Variants in ST6GALNAC3 observed in about 807,000 individuals in gnomAD.
ST6GALNAC3 encodes the protein alpha-N-acetylgalactosaminide alpha-2,6-sialyltransferase 3.
A neutral mutation model predicts 32.7 loss-of-function variants in ST6GALNAC3; 25 were observed. The ratio of observed to expected loss-of-function variants is 0.76; its 90% CI spans 0.56 to 1.07. The LOEUF (loss-of-function observed/expected upper bound fraction) is 1.07. Ranked by LOEUF, ST6GALNAC3 falls within the 50% of genes least tolerant of loss-of-function variation. ST6GALNAC3 has a pLI of 0.00. For synonymous variants in ST6GALNAC3, 129 were observed against 133.1 expected (o/e 0.97, Z 0.21); for missense variants, 355 against 382.4 (o/e 0.93, Z 0.60).
chr1:76,360,339 C>T (rs1320557374), intron 2 of ST6GALNAC3, among the ~76,000 whole-genome samples: 1 of 152,076 alleles, frequency 6.6e-6, no homozygotes, highest in East Asian at 1.9e-4. Context: ...GTTCTCTTTA[C>T]ATTCAGGTTA....
chr1:76,591,108 G>A (rs184249906), intron 3 of ST6GALNAC3, among the ~76,000 whole-genome samples: 30 of 152,228 alleles, frequency 2.0e-4, no homozygotes, highest in African/African-American at 6.5e-4. Flanking sequence ...GATGATAAAG[G>A]TTAGGAAAGG....
intron 1 of ST6GALNAC3, among the ~76,000 whole-genome samples, chr1:76,236,472 A>G (rs12734748): frequency 6.6e-6 from 1 of 152,354 alleles, no homozygotes; most frequent in Admixed American, 6.5e-5. Flanking sequence ...TTAAAGGATA[A>G]CAACATAAGC....
intron 2 of ST6GALNAC3, among the ~76,000 whole-genome samples, chr1:76,370,834 A>G (rs1176392206): frequency 2.0e-5 from 3 of 151,958 alleles, no homozygotes; most frequent in Non-Finnish European, 2.9e-5. Flanking sequence ...CCATCAGTCT[A>G]CCCATTCACA....
At chr1:76,133,959 C>T (rs1649776435) in intron 1 of ST6GALNAC3, among the ~76,000 whole-genome samples, 3 of 152,172 alleles carry the variant, frequency 2.0e-5, no homozygotes, top group Admixed American at 2.0e-4. Context: ...AGGCAACGAC[C>T]CCAATCCCAG....
chr1:76,237,282 C>T (rs1050096058), intron 1 of ST6GALNAC3, among the ~76,000 whole-genome samples: 7 of 152,090 alleles, frequency 4.6e-5, no homozygotes, highest in African/African-American at 9.7e-5. Flanking sequence ...TACAGATGCC[C>T]GCCACCACGC....
intron 3 of ST6GALNAC3, among the ~76,000 whole-genome samples, chr1:76,560,551 A>G (rs1300030458): frequency 6.6e-6 from 1 of 152,196 alleles, no homozygotes; most frequent in Admixed American, 6.5e-5. Context: ...TCAAAGGAAG[A>G]CATACAAATG....
intron 1 of ST6GALNAC3, among the ~76,000 whole-genome samples, chr1:76,191,644 T>C (rs1480168568): frequency 6.6e-6 from 1 of 152,060 alleles, no homozygotes; most frequent in African/African-American, 2.4e-5. Flanking sequence ...ACCCCATAAA[T>C]ATGTAAAATT....
At chr1:76,400,576 C>T (rs925868799) in intron 2 of ST6GALNAC3, among the ~76,000 whole-genome samples, 1 of 152,078 alleles carries the variant, frequency 6.6e-6, no homozygotes, top group African/African-American at 2.4e-5. Context: ...AGTTTGAAAA[C>T]TTCTGTCCTC....
intron 1 of ST6GALNAC3, among the ~76,000 whole-genome samples, chr1:76,141,681 A>C (rs1650333189): frequency 6.6e-6 from 1 of 152,220 alleles, no homozygotes; most frequent in Admixed American, 6.5e-5. Flanking sequence ...ATTTATAACA[A>C]AGTTTTTGGG....
intron 1 of ST6GALNAC3, among the ~76,000 whole-genome samples, chr1:76,148,736 A>G (rs752584412): frequency 2.0e-5 from 3 of 152,214 alleles, no homozygotes; most frequent in Non-Finnish European, 4.4e-5. Context: ...GAGGCCAGAC[A>G]GTAACTTTTC....
chr1:76,234,354 C>T (rs950870961), intron 1 of ST6GALNAC3, among the ~76,000 whole-genome samples: 1 of 152,172 alleles, frequency 6.6e-6, no homozygotes, highest in African/African-American at 2.4e-5. Flanking sequence ...GAAATTTCTG[C>T]TCTTGGGTTG....
chr1:76,439,593 C>G (rs1656399078), intron 3 of ST6GALNAC3, among the ~76,000 whole-genome samples: 1 of 152,178 alleles, frequency 6.6e-6, no homozygotes, highest in South Asian at 2.1e-4. Context: ...CCCATTTTGG[C>G]AACCAACTAA....
At position 76,629,619 on chromosome 1, in the gene ST6GALNAC3, A is replaced by C; in HGVS notation, c.*813A>C. 9 of 984,874 alleles carry C rather than the reference A, an allele frequency of 9.1e-6. No individual in the cohort carries two copies. The highest frequency in any genetic ancestry group is 9.6e-6 in the Non-Finnish European group (8 of 829,110). 61.0% of individuals were successfully genotyped at this position (984,874 alleles called of 1,614,324 possible). On this transcript the variant is annotated 3_prime_UTR_variant, in exon 5 of 5. Transcript: ENST00000328299. Reference sequence around the variant, plus strand: ...AGGCTACTTAACATGTAAGATACCAACTTCAACACTGTAATAACATATACT... The same window carrying C: ...AGGCTACTTAACATGTAAGATACCACCTTCAACACTGTAATAACATATACT...
intron 3 of ST6GALNAC3, among the ~76,000 whole-genome samples, chr1:76,557,128 C>T (rs542100557): frequency 6.6e-6 from 1 of 152,026 alleles, no homozygotes; most frequent in South Asian, 2.1e-4. Flanking sequence ...GAAAAAATTA[C>T]CCCCTCCCCG....
intron 3 of ST6GALNAC3, among the ~76,000 whole-genome samples, chr1:76,431,153 T>TA (rs1466066761): frequency 6.6e-6 from 1 of 152,080 alleles, no homozygotes; most frequent in African/African-American, 2.4e-5. Flanking sequence ...TAACTTTCCT[T>TA]AGGGCTGCTA....
At chr1:76,181,799 T>C (rs1653197130) in intron 1 of ST6GALNAC3, among the ~76,000 whole-genome samples, 1 of 152,228 alleles carries the variant, frequency 6.6e-6, no homozygotes, top group African/African-American at 2.4e-5. Flanking sequence ...TGATGTCTGT[T>C]CTTCTAAGAC....
At chr1:76,419,915 T>TTTTG (rs980385849) in intron 3 of ST6GALNAC3, among the ~76,000 whole-genome samples, 5 of 151,798 alleles carry the variant, frequency 3.3e-5, no homozygotes, top group Admixed American at 2.0e-4. Context: ...TCTTTCTTTC[T>TTTTG]TTTGTTCTTG....
At chr1:76,576,897 T>A in intron 3 of ST6GALNAC3, 11 of 1,303,672 alleles carry the variant, frequency 8.4e-6, no homozygotes, top group Non-Finnish European at 1.1e-5. Flanking sequence ...ACCACATACA[T>A]GTCCTGCCCC....
chr1:76,213,629 A>G (rs1570458032), intron 1 of ST6GALNAC3, among the ~76,000 whole-genome samples: 1 of 152,202 alleles, frequency 6.6e-6, no homozygotes, highest in South Asian at 2.1e-4. Context: ...AATCACAGAG[A>G]TGTGCTAATT....
Sources: allele counts gnomAD v4.1 joint callset (sites outside exome capture counted in the v4.1 genomes callset), GRCh38; gene constraint gnomAD v4.1.1; transcripts MANE v1.5; gene names NCBI Gene and HGNC (gene_info 2026-07-23, HGNC 2026-07-21).